The following ADARB2 variants were observed in gnomAD, a reference collection of about 807,000 sequenced individuals.
ADARB2 encodes the protein adenosine deaminase RNA specific B2 (inactive), also known as inactive double-stranded RNA-specific editase B2.
ADARB2 carries 25 observed loss-of-function variants against 62.2 expected under a neutral mutation model. The ratio of observed to expected loss-of-function variants is 0.40; its 90% CI spans 0.29 to 0.56. The LOEUF (loss-of-function observed/expected upper bound fraction) is 0.56, where lower values mean the gene tolerates loss of function less well. Ranked by LOEUF, ADARB2 falls within the 20% of genes least tolerant of loss-of-function variation. ADARB2 has a pLI of 0.43. For missense variants in ADARB2, 1,071 were observed against 1,077.4 expected (o/e 0.99, Z 0.08); for synonymous variants, 572 against 500.8 (o/e 1.14, Z -1.90).
chr10:1,372,080 G>C (rs1832377502), intron 2 of ADARB2, among the ~76,000 whole-genome samples: 1 of 152,120 alleles, frequency 6.6e-6, no homozygotes, highest in Non-Finnish European at 1.5e-5. Context: ...ATCAACAGTG[G>C]ATGAATAAAG....
intron 6 of ADARB2, among the ~76,000 whole-genome samples, chr10:1,231,631 G>A (rs922467993): frequency 2.6e-5 from 4 of 152,172 alleles, no homozygotes; most frequent in African/African-American, 9.7e-5. Context: ...AGTCCCTGAG[G>A]TTGAACAGGC....
At chr10:1,534,002 G>A (rs1339553968) in intron 1 of ADARB2, among the ~76,000 whole-genome samples, 1 of 148,834 alleles carries the variant, frequency 6.7e-6, no homozygotes, top group Non-Finnish European at 1.5e-5. Context: ...GCAGGTTGAA[G>A]AGACTGGGTT....
At position 1,240,884 on chromosome 10, in the gene ADARB2, C is replaced by A. The variant is rs12266148; in HGVS notation, c.1361+1247G>T. Among the ~76,000 whole-genome samples, 762 of 152,300 alleles carry A rather than the reference C, an allele frequency of 5.0e-3. 7 individuals are homozygous for A. Among genetic ancestry groups the A allele is most frequent in the African/African-American group, 0.016 (659 of 41,558 alleles). ...CTACATTCTGAGATATTTCTGTTCC[C>A]CCATATCCAACTCCTGCTGCACCCC... On this transcript the variant is annotated intron_variant, in intron 5 of 9. Coordinates refer to ENST00000381312, the MANE Select transcript of ADARB2 (RefSeq NM_018702.4).
At chr10:1,510,184 T>TTTTC (rs1315808693) in intron 1 of ADARB2, among the ~76,000 whole-genome samples, 5 of 148,742 alleles carry the variant, frequency 3.4e-5, no homozygotes, top group African/African-American at 1.2e-4. Context: ...CTTTCTTTCT[T>TTTTC]TTTCTTTCTT....
At chr10:1,599,135 C>T (rs747961144) in intron 1 of ADARB2, among the ~76,000 whole-genome samples, 24 of 152,322 alleles carry the variant, frequency 1.6e-4, no homozygotes, top group Middle Eastern at 3.4e-3. Context: ...GTATCTCAGA[C>T]GTAAAATTCC....
intron 4 of ADARB2, among the ~76,000 whole-genome samples, chr10:1,266,056 G>C (rs1457887736): frequency 2.8e-5 from 4 of 143,576 alleles, no homozygotes; most frequent in Non-Finnish European, 6.1e-5. Flanking sequence ...GCCTGAGCCA[G>C]GTCCACGCTC....
At chr10:1,567,260 C>A (rs140928813) in intron 1 of ADARB2, among the ~76,000 whole-genome samples, 1 of 152,052 alleles carries the variant, frequency 6.6e-6, no homozygotes, top group Non-Finnish European at 1.5e-5. Flanking sequence ...AAAACCTGCC[C>A]GTCCACTTCA....
At chr10:1,497,722 A>G (rs1831711511) in intron 1 of ADARB2, among the ~76,000 whole-genome samples, 1 of 152,236 alleles carries the variant, frequency 6.6e-6, no homozygotes, top group Admixed American at 6.5e-5. Context: ...TTATATATAA[A>G]TGTCACTTCT....
At chr10:1,714,867 T>G (rs1447466392) in intron 1 of ADARB2, among the ~76,000 whole-genome samples, 20 of 152,180 alleles carry the variant, frequency 1.3e-4, no homozygotes, top group Admixed American at 1.3e-3. Context: ...TTAAAATTAT[T>G]ATACTTTAAG....
rs569417188 is a variant in ADARB2, at chr10:1,673,774, C to T, written c.100+63277G>A. ...GCTGAGGCCGTGCAGCCACTGCCAC[C>T]GCTCACTGCCAGGCAGGCCTTGCTG... is the stretch of plus-strand genomic sequence containing the variant. On this transcript the variant is annotated intron_variant, in intron 1 of 9. Coordinates refer to ENST00000381312, the MANE Select transcript of ADARB2 (RefSeq NM_018702.4). Among the ~76,000 whole-genome samples the T allele has an allele frequency of 2.6e-5, 4 of 152,352 alleles. No individual in the cohort carries two copies. In the South Asian group the frequency reaches 6.2e-4, roughly 24 times the overall value.
chr10:1,715,873 C>T (rs1263041932), intron 1 of ADARB2, among the ~76,000 whole-genome samples: 1 of 152,216 alleles, frequency 6.6e-6, no homozygotes, highest in Admixed American at 6.5e-5. Flanking sequence ...GCAAGCTCTG[C>T]ACACCCTTCC....
Position 1,180,013 on chromosome 10 carries a change from G to A in ADARB2, c.*3180C>T, listed in dbSNP as rs1351598093. On this transcript the variant is annotated 3_prime_UTR_variant, in exon 10 of 10. Transcript: ENST00000381312. ...GTGTCTTGCCCCCTCACTTGGAGGG[G>A]AATGGGTGGCCACTCTTAAGACCAA... is the stretch of plus-strand genomic sequence containing the variant. The A allele has an allele frequency of 6.6e-6, 1 of 152,200 alleles. No individual in the cohort carries two copies. The allele number at this position is 152,200 out of a possible 1,614,324, so 9.4% of individuals were successfully genotyped here.
chr10:1,360,296 C>T (rs1832240693), intron 3 of ADARB2, among the ~76,000 whole-genome samples: 1 of 152,232 alleles, frequency 6.6e-6, no homozygotes, highest in African/African-American at 2.4e-5. Flanking sequence ...TGGGACACAG[C>T]CCAGGAAAAC....
At chr10:1,450,158 G>A (rs553453004) in intron 1 of ADARB2, among the ~76,000 whole-genome samples, 5 of 152,328 alleles carry the variant, frequency 3.3e-5, no homozygotes, top group East Asian at 1.9e-4. Context: ...CCACGCTCCC[G>A]TCGAGAGGGA....
chr10:1,337,603 T>G lies in ADARB2; in HGVS notation c.1077+25425A>C, dbSNP rs1463738654. ...GGTCTTCTGAGGGTAAGCAGGTGCATGCGCCGGGGTTACCCATCCCTCCCA... is the reference window on the plus strand; with the variant it reads ...GGTCTTCTGAGGGTAAGCAGGTGCAGGCGCCGGGGTTACCCATCCCTCCCA... On this transcript the variant is annotated intron_variant, in intron 3 of 9. Transcript: ENST00000381312. Among the ~76,000 whole-genome samples, 5 of 152,156 alleles carry G rather than the reference T, an allele frequency of 3.3e-5. No individual in the cohort carries two copies. The East Asian group carries it at 9.6e-4, about 29-fold the overall frequency.
chr10:1,516,974 C>T (rs1049134467), intron 1 of ADARB2, among the ~76,000 whole-genome samples: 13 of 152,312 alleles, frequency 8.5e-5, no homozygotes, highest in African/African-American at 2.9e-4. Flanking sequence ...GATGGCGTTT[C>T]CCCCACGCCG....
intron 1 of ADARB2, among the ~76,000 whole-genome samples, chr10:1,694,244 T>A (rs72766776): frequency 0.014 from 2,115 of 152,354 alleles, 23 homozygotes; most frequent in Non-Finnish European, 0.023. Flanking sequence ...TGATTAAGCA[T>A]CACATCTTGC....
rs117753960 is a variant in ADARB2 at position 1,255,839 on chromosome 10, G to A, written c.1193-13540C>T. Among the ~76,000 whole-genome samples, 1,405 of 152,258 alleles carry A rather than the reference G, an allele frequency of 9.2e-3. 11 individuals carry two copies. The highest frequency in any genetic ancestry group is 0.015 in the Non-Finnish European group (989 of 68,020). ...TCAAACACACTATAGCCCCATCAGC[G>A]GGCAGGACAAGTTGGGCCCTGACAC... On this transcript the variant is annotated intron_variant, in intron 4 of 9. Transcript: ENST00000381312. This position sits in a 1 kb window ranked among gnomAD's most constrained non-coding sequence, Gnocchi z 4.7.
chr10:1,725,659 T>C (rs776996494), intron 1 of ADARB2, among the ~76,000 whole-genome samples: 2 of 152,162 alleles, frequency 1.3e-5, no homozygotes, highest in African/African-American at 2.4e-5. Context: ...AGCAAAGACA[T>C]TCACTTCCAG....
Sources: allele counts gnomAD v4.1 joint callset (sites outside exome capture counted in the v4.1 genomes callset), GRCh38; gene constraint gnomAD v4.1.1; non-coding constraint Gnocchi (gnomAD v3.1); transcripts MANE v1.5; gene names NCBI Gene and HGNC (gene_info 2026-07-23, HGNC 2026-07-21).